The following MCOLN3 variants were observed in gnomAD, a reference collection of about 807,000 sequenced individuals.
The protein encoded by MCOLN3 is mucolipin TRP cation channel 3.
MCOLN3 carries 62 observed loss-of-function variants against 69.4 expected under a neutral mutation model. The observed-to-expected ratio is 0.89, with a 90% CI of 0.73 to 1.10. The LOEUF is 1.10. MCOLN3 is among the 50% of genes least tolerant of loss of function. The probability of loss-of-function intolerance (pLI) is 0.00; values close to 1 mark genes in which losing one functional copy is unlikely to be tolerated. For missense variants in MCOLN3, 564 were observed against 656.4 expected, an observed-to-expected ratio of 0.86 and a Z score of 1.54; for synonymous variants, 183 against 217.0, an observed-to-expected ratio of 0.84 and a Z score of 1.38.
chr1:85,038,107 T>G (rs1342970000), intron 3 of MCOLN3, among the ~76,000 whole-genome samples: 1 of 152,150 alleles, frequency 6.6e-6, no homozygotes, highest in African/African-American at 2.4e-5. Context: ...CCCTGAGGCC[T>G]TTCAACCTAA....
Position 85,032,697 on chromosome 1 carries a change from G to A in MCOLN3, c.731C>T (p.Thr244Ile), listed in dbSNP as rs559662098. ...AAATTCAGCCTGGCCCACACTTACA[G>A]TCAGAGTAAAGTCATAACAGTCAGG... ...ELPDCYDFTL[T>I]ITFDNKAHSG... Residue 244 changes from threonine (T) to isoleucine (I), a missense_variant and splice_region_variant, in exon 6 of 13, where the codon ACT becomes ATT. By Grantham distance (89) the Thr-to-Ile change is moderately conservative. Transcript: ENST00000370589. 5.0e-6 allele frequency: 8 copies of A among 1,609,362 alleles called. No homozygotes were observed. The South Asian group carries it at 8.8e-5, about 18-fold the overall frequency.
In MCOLN3 at chr1:85,022,093, C is replaced by T. The variant is rs778300738; in HGVS notation, c.1297G>A (p.Val433Met). The stretch of plus-strand genomic sequence containing the variant: ...ACCTTGTCATGGTAAGGCCCCAGCA[C>T]GATCCATCCACAGAAGCAGTAACCT... ...YLGYCFCGWI[V>M]LGPYHDKFRS... Residue 433 changes from valine (V) to methionine (M), a missense_variant, in exon 11 of 13, where the codon GTG becomes ATG. Val to Met is a conservative substitution (Grantham distance 21). Transcript: ENST00000370589. 9 of 1,613,968 alleles carry T rather than the reference C, an allele frequency of 5.6e-6. No individual in the cohort carries two copies. Among genetic ancestry groups the T allele is most frequent in the African/African-American group, 1.3e-5 (1 of 74,906 alleles).
intron 3 of MCOLN3, among the ~76,000 whole-genome samples, chr1:85,040,642 C>A (rs1336859420): frequency 6.6e-6 from 1 of 152,006 alleles, no homozygotes; most frequent in African/African-American, 2.4e-5. Context: ...TTAATATTCT[C>A]ATTATTTGTT....
At position 85,034,196 on chromosome 1, in the gene MCOLN3, G is replaced by C. The variant is rs777753187; in HGVS notation, c.452C>G (p.Thr151Ser). 23 of 1,614,002 alleles carry C rather than the reference G, an allele frequency of 1.4e-5. 1 individual carries two copies. The South Asian group carries it at 2.5e-4, about 18-fold the overall frequency. The change falls in exon 4 of 13, where the codon ACC becomes AGC. Residue 151 changes from threonine to serine, a missense_variant. By Grantham distance (58) the Thr-to-Ser change is moderately conservative. Transcript: ENST00000370589. ...ACAGATTGCCATAGCAGATTGCTTG[G>C]TACCTTTGTTCTCATAAGCATGATT... ...VGNHAYENKG[T>S]KQSAMAICQH... is the part of the protein sequence containing the mutation.
chr1:85,025,588 TAAA>T (rs34065139), intron 9 of MCOLN3: 88 of 158,008 alleles, frequency 5.6e-4, no homozygotes, highest in South Asian at 1.8e-3. Flanking sequence ...CTTGTAAGAT[TAAA>T]AAAAAAAAAA....
At chr1:85,047,663 T>C (rs1238362857) in intron 1 of MCOLN3, 2 of 152,292 alleles carry the variant, frequency 1.3e-5, no homozygotes, top group Non-Finnish European at 2.9e-5. Flanking sequence ...GGCCTCCCAG[T>C]TGGCGACAAA....
In MCOLN3 at chr1:85,026,180, G is replaced by A; in HGVS notation, c.937C>T (p.Leu313Phe). 6.2e-7 allele frequency: 1 copy of A among 1,613,916 alleles called. No homozygotes were observed. Residue 313 changes from leucine (L) to phenylalanine (F), a missense_variant, in exon 8 of 13, where the codon CTT (leucine) becomes TTT (phenylalanine). Physicochemically the swap from Leu to Phe is conservative, Grantham distance 22 (BLOSUM62 0). Transcript: ENST00000370589. ...CIRSVIRGLQLQQEFVNFFLL... is the reference protein window; with the variant it reads ...CIRSVIRGLQFQQEFVNFFLL... ...AAAGCAACGTTCCCTACCTGCTGAAGCTGAAGTCCTCTAATCACAGATCTA... is the reference window on the plus strand; with the variant it reads ...AAAGCAACGTTCCCTACCTGCTGAAACTGAAGTCCTCTAATCACAGATCTA...
Position 85,019,211 on chromosome 1 carries a change from A to G in MCOLN3, c.1574T>C (p.Ile525Thr), listed in dbSNP as rs774582582. The part of the protein sequence containing the change: ...GFPETELRTF[I>T]SECKDLPNSG... The stretch of plus-strand genomic sequence containing the variant: ...GTTGGGTAGATCTTTGCATTCTGAT[A>G]TAAATGTACGAAGTTCAGTCTCTGG... The change falls in exon 13 of 13, where the codon ATA becomes ACA. Residue 525 changes from isoleucine to threonine, a missense_variant. Ile to Thr is a moderately conservative substitution (Grantham distance 89). Coordinates refer to ENST00000370589, the MANE Select transcript of MCOLN3 (RefSeq NM_018298.11). 8.7e-6 allele frequency: 14 copies of G among 1,613,388 alleles called. No homozygotes were observed. Among genetic ancestry groups the G allele is most frequent in the Non-Finnish European group, 1.1e-5 (13 of 1,179,556 alleles).
chr1:85,024,889 C>T (rs1392556144), intron 9 of MCOLN3: 1 of 152,244 alleles, frequency 6.6e-6, no homozygotes, highest in Non-Finnish European at 1.5e-5. Context: ...AACCCATTCT[C>T]CCCTTCCTAG....
In MCOLN3 at chr1:85,045,216, G is replaced by A. The variant is rs137942693; in HGVS notation, c.145C>T (p.Pro49Ser). The A allele has an allele frequency of 6.2e-7, 1 of 1,613,886 alleles. No homozygotes were observed. Among genetic ancestry groups the A allele is most frequent in the African/African-American group, 1.3e-5 (1 of 74,882 alleles). The change falls in exon 2 of 13, where the codon CCC becomes TCC. Residue 49 changes from proline to serine, a missense_variant. Coordinates refer to ENST00000370589, the MANE Select transcript of MCOLN3 (RefSeq NM_018298.11). ...RRKLKFFFMNPCEKFWARGRK... is the reference protein window; with the variant it reads ...RRKLKFFFMNSCEKFWARGRK... ...CCTCGAGCCCAGAACTTCTCACAGG[G>A]ATTCATGAAAAAAAATTTGAGTTTT...
intron 4 of MCOLN3, 28 bp from the exon 5 acceptor site, chr1:85,032,984 T>G: frequency 6.3e-7 from 1 of 1,585,798 alleles, no homozygotes; most frequent in Non-Finnish European, 8.7e-7. Flanking sequence ...AAAAACATGA[T>G]ACAGTACTTA....
Position 85,019,154 on chromosome 1 carries a change from G to C in MCOLN3, c.1631C>G (p.Pro544Arg), listed in dbSNP as rs1463881758. ...TTTACAACAGCAGAATAAAGATACT[G>C]GAGGGTCATCTTCTAATCTGTATTT... Reference protein sequence around the residue: ...SGKYRLEDDPPVSLFCCCKK With the variant: ...SGKYRLEDDPRVSLFCCCKK Residue 544 changes from proline to arginine, a missense_variant, in exon 13 of 13, where the codon CCA (proline) becomes CGA (arginine). Pro to Arg is a moderately radical substitution (Grantham distance 103). Transcript: ENST00000370589. 1 of 1,613,432 alleles carries C rather than the reference G, an allele frequency of 6.2e-7. No homozygotes were observed. The highest frequency in any genetic ancestry group is 8.5e-7 in the Non-Finnish European group (1 of 1,179,648).
At chr1:85,047,583 G>A (rs1653425442) in intron 1 of MCOLN3, 1 of 152,318 alleles carries the variant, frequency 6.6e-6, no homozygotes, top group Admixed American at 6.5e-5. Flanking sequence ...ACCTGTTCCT[G>A]GCGGGCAGAG....
In MCOLN3 at chr1:85,034,228, G is replaced by T; in HGVS notation, c.420C>A (p.Ser140=). The T allele has an allele frequency of 6.2e-7, 1 of 1,614,090 alleles. No homozygotes were observed. Among genetic ancestry groups the T allele is most frequent in the Non-Finnish European group, 8.5e-7 (1 of 1,180,004 alleles). Residue 140 remains serine, a synonymous_variant, in exon 4 of 13, where the codon TCC becomes TCA. Transcript: ENST00000370589. The part of the protein sequence containing the change: ...VNQYLQLYNV[S]VGNHAYENKG... Reference sequence around the variant, plus strand: ...TGTTCTCATAAGCATGATTCCCAACGGAGACATTGTATAGCTGCAAGTACT... The same window carrying T: ...TGTTCTCATAAGCATGATTCCCAACTGAGACATTGTATAGCTGCAAGTACT...
intron 3 of MCOLN3, among the ~76,000 whole-genome samples, chr1:85,036,111 A>G (rs1006966955): frequency 2.0e-5 from 3 of 152,218 alleles, no homozygotes; most frequent in Non-Finnish European, 2.9e-5. Flanking sequence ...TCCAATGAGA[A>G]TATGACCTCC....
intron 12 of MCOLN3, among the ~76,000 whole-genome samples, chr1:85,019,829 A>C (rs1221434086): frequency 6.6e-6 from 1 of 152,158 alleles, no homozygotes; most frequent in Admixed American, 6.5e-5. Flanking sequence ...ACCCTTTTGG[A>C]GTCAGTCTTC....
intron 3 of MCOLN3, among the ~76,000 whole-genome samples, chr1:85,036,273 C>G (rs1652799685): frequency 6.6e-6 from 1 of 152,140 alleles, no homozygotes; most frequent in Non-Finnish European, 1.5e-5. Flanking sequence ...CTCACTGCAA[C>G]CTCTGCCTCC....
chr1:85,018,814 A>C lies in MCOLN3; in HGVS notation c.*309T>G. The C allele has an allele frequency of 4.0e-6, 1 of 252,776 alleles. No homozygotes were observed. Among genetic ancestry groups the C allele is most frequent in the East Asian group, 1.1e-4 (1 of 9,092 alleles). The allele number at this position is 252,776 out of a possible 1,614,324, so 15.7% of individuals were successfully genotyped here. A position where few individuals can be genotyped will look rare whatever the true frequency, so the allele number is the denominator to read the frequency against. ...ACACAGTCTGCACAATCAGAATAGC[A>C]GGAGCAACAGTATCAGAGCAAAAGA... On this transcript the variant is annotated 3_prime_UTR_variant, in exon 13 of 13. Transcript: ENST00000370589.
At chr1:85,019,347 G>A in intron 12 of MCOLN3, 90 bp from the exon 13 acceptor site, 1 of 1,304,394 alleles carries the variant, frequency 7.7e-7, no homozygotes, top group Non-Finnish European at 1.1e-6. Context: ...TGGCAAGGGA[G>A]GGGGTTTTCT....
Sources: gnomAD v4.1 joint callset for allele counts (sites outside exome capture counted in the v4.1 genomes callset) on GRCh38, gnomAD v4.1.1 for gene constraint, MANE v1.5 for transcripts, NCBI Gene and HGNC (gene_info 2026-07-23, HGNC 2026-07-21) for gene names.